FAT3: variants seen among roughly 807,000 people sequenced by gnomAD.
FAT3 encodes the protein FAT atypical cadherin 3, also known as protocadherin Fat 3.
In FAT3, 95 loss-of-function variants were observed where a neutral mutation model predicts 310.2. The observed-to-expected ratio is 0.31, with a 90% confidence interval of 0.26 to 0.36. The LOEUF is 0.36. FAT3 is among the 10% of genes least tolerant of loss of function. The pLI is 1.00. For synonymous variants in FAT3, 2,314 were observed against 2,192.9 expected (o/e 1.06, Z -1.54); for missense variants, 5,408 against 5,715.6 (o/e 0.95, Z 1.74).
At chr11:92,715,232 C>T (rs1431544475) in intron 4 of FAT3, among the ~76,000 whole-genome samples, 6 of 148,488 alleles carry the variant, frequency 4.0e-5, no homozygotes, top group South Asian at 2.1e-4. Flanking sequence ...GGTGAAAGCC[C>T]GTCTCCACTA....
At chr11:92,837,537 TG>T in intron 16 of FAT3, 125 bp from the exon 17 acceptor site, 1 of 1,179,166 alleles carries the variant, frequency 8.5e-7, no homozygotes, top group Non-Finnish European at 1.2e-6. Context: ...TCACCCGGTC[TG>T]GAAAATCAAA....
intron 4 of FAT3, among the ~76,000 whole-genome samples, chr11:92,761,344 TCTAATCACCAC>T (rs1946145815): frequency 6.6e-6 from 1 of 152,172 alleles, no homozygotes; most frequent in Admixed American, 6.5e-5. Context: ...ATCCTCATGA[TCTAATCACCAC>T]CTAAAGGCCC....
intron 3 of FAT3, among the ~76,000 whole-genome samples, chr11:92,648,311 T>C (rs1354872468): frequency 6.6e-6 from 1 of 152,196 alleles, no homozygotes; most frequent in Non-Finnish European, 1.5e-5. Context: ...CCACTGAAAA[T>C]CAGAGGAAGT....
At chr11:92,888,441 AC>A (rs1326784455) in intron 25 of FAT3, among the ~76,000 whole-genome samples, 1 of 152,196 alleles carries the variant, frequency 6.6e-6, no homozygotes, top group African/African-American at 2.4e-5. Flanking sequence ...TGCTGTGTGC[AC>A]CCTGAGGATC....
At chr11:92,864,731 C>T (rs1214692382) in intron 21 of FAT3, among the ~76,000 whole-genome samples, 1 of 152,064 alleles carries the variant, frequency 6.6e-6, no homozygotes, top group African/African-American at 2.4e-5. Context: ...GCAGGAGAAT[C>T]CCTTGAACCA....
At chr11:92,795,894 C>T (rs190677103) in intron 9 of FAT3, among the ~76,000 whole-genome samples, 108 of 151,980 alleles carry the variant, frequency 7.1e-4, no homozygotes, top group African/African-American at 2.5e-3. Context: ...GATGACAGAG[C>T]GAGACTCCAT....
intron 3 of FAT3, among the ~76,000 whole-genome samples, chr11:92,544,700 C>A (rs1242814639): frequency 1.3e-5 from 2 of 152,164 alleles, no homozygotes; most frequent in Non-Finnish European, 2.9e-5. Flanking sequence ...CAGGAAAGCT[C>A]TCAGGATTCA....
chr11:92,357,236 T>G (rs1021386078), intron 2 of FAT3, among the ~76,000 whole-genome samples: 1 of 152,174 alleles, frequency 6.6e-6, no homozygotes, highest in African/African-American at 2.4e-5. Flanking sequence ...AGATCTTATT[T>G]AATTCTTCCA....
chr11:92,366,119 C>G (rs1254142905), intron 2 of FAT3, among the ~76,000 whole-genome samples: 1 of 152,148 alleles, frequency 6.6e-6, no homozygotes, highest in East Asian at 1.9e-4. Flanking sequence ...AGGACTGGCT[C>G]TAGGAGCAGA....
At chr11:92,862,539 GA>G (rs1272010892) in intron 21 of FAT3, among the ~76,000 whole-genome samples, 1 of 152,144 alleles carries the variant, frequency 6.6e-6, no homozygotes, top group African/African-American at 2.4e-5. Flanking sequence ...GCTACATTCT[GA>G]TGATTCTCAG....
chr11:92,233,090 T>C (rs1864257461), intron 1 of FAT3, among the ~76,000 whole-genome samples: 1 of 152,198 alleles, frequency 6.6e-6, no homozygotes, highest in African/African-American at 2.4e-5. Context: ...ATTTGATGAT[T>C]ATAAGTGCCT....
At position 92,774,164 on chromosome 11, in the gene FAT3, A is replaced by T; in HGVS notation, c.4319A>T (p.Asn1440Ile). The T allele has an allele frequency of 6.2e-7, 1 of 1,611,572 alleles. No individual in the cohort carries two copies. The highest frequency in any genetic ancestry group is 8.5e-7 in the Non-Finnish European group (1 of 1,179,096). The change falls in exon 7 of 28, where the codon AAT (asparagine) becomes ATT (isoleucine). Residue 1440 changes from asparagine (N) to isoleucine (I), a missense_variant. Coordinates refer to ENST00000525166, the MANE Select transcript of FAT3 (RefSeq NM_001367949.2). ...NMSVEVTDGT[N>I]VAVTQVFIKV... ...AGTGTGGAAGTCACCGATGGGACAA[A>T]TGTTGCTGTTACTCAGGTGAGATGT...
chr11:92,887,136 C>T (rs530252999), intron 25 of FAT3, 23 bp downstream of exon 25: 32 of 1,582,748 alleles, frequency 2.0e-5, no homozygotes, highest in Middle Eastern at 3.3e-4. Flanking sequence ...CAGATTTGTT[C>T]GGAGCGGGTG....
chr11:92,374,142 T>A (rs913164452), intron 2 of FAT3, among the ~76,000 whole-genome samples: 9 of 152,094 alleles, frequency 5.9e-5, no homozygotes, highest in African/African-American at 2.2e-4. Context: ...AAGATTAATC[T>A]TCCTTACTTA....
rs1411597127 is a variant in FAT3 at position 92,883,301 on chromosome 11, T to C, written c.12845T>C (p.Val4282Ala). ...RILTARRGVV[V>A]CSVAPNLPAV... ...CTGACAGCCCGGCGGGGCGTGGTCG[T>C]GTGCAGTGTGGCCCCCAACCTCCCC... The change falls in exon 24 of 28, where the codon GTG becomes GCG. Residue 4282 changes from valine to alanine, a missense_variant. By Grantham distance (64) the Val-to-Ala change is moderately conservative. Coordinates refer to ENST00000525166, the MANE Select transcript of FAT3 (RefSeq NM_001367949.2). This position sits in a 1 kb window ranked among gnomAD's most constrained non-coding sequence, Gnocchi z 4.2. The C allele has an allele frequency of 1.2e-6, 2 of 1,612,330 alleles. No homozygotes were observed. Among genetic ancestry groups the C allele is most frequent in the Admixed American group, 1.7e-5 (1 of 59,996 alleles).
In FAT3 at chr11:92,867,139, G is replaced by T. The variant is rs1949269728; in HGVS notation, c.12057G>T (p.Val4019=). ...TGACGGAGCTGAAGCTGGGCTGCGT[G>T]CTCTATCCCGACGCCTGCAAGCGCA... ...VGLTELKLGC[V]LYPDACKRSP... Residue 4019 remains valine, a synonymous_variant, in exon 22 of 28, where the codon GTG becomes GTT. Transcript: ENST00000525166. The T allele has an allele frequency of 2.5e-6, 4 of 1,601,376 alleles. No homozygotes were observed. The highest frequency in any genetic ancestry group is 1.7e-4 in the Middle Eastern group (1 of 6,014).
chr11:92,634,228 C>T (rs1275583268), intron 3 of FAT3, among the ~76,000 whole-genome samples: 1 of 152,166 alleles, frequency 6.6e-6, no homozygotes, highest in African/African-American at 2.4e-5. Flanking sequence ...TTCTGACCTA[C>T]CAGGATTTCT....
chr11:92,779,138 G>A (rs1426490955), intron 7 of FAT3, among the ~76,000 whole-genome samples: 1 of 152,074 alleles, frequency 6.6e-6, no homozygotes, highest in African/African-American at 2.4e-5. Flanking sequence ...GCTGTTATGA[G>A]CAAGGGAGGA....
chr11:92,736,517 A>G (rs565773552), intron 4 of FAT3, among the ~76,000 whole-genome samples: 57 of 152,276 alleles, frequency 3.7e-4, no homozygotes, highest in Admixed American at 2.9e-3. Context: ...AACGAAAAAG[A>G]AGTAATGGCA....
Sources: allele counts gnomAD v4.1 joint callset (sites outside exome capture counted in the v4.1 genomes callset), GRCh38; gene constraint gnomAD v4.1.1; non-coding constraint Gnocchi (gnomAD v3.1); transcripts MANE v1.5; gene names NCBI Gene and HGNC (gene_info 2026-07-23, HGNC 2026-07-21).